The following ERO1B variants were observed in gnomAD, a reference collection of about 807,000 sequenced individuals.
The protein encoded by ERO1B is ERO1-like protein beta.
Under a neutral mutation model 75.3 loss-of-function variants are expected in ERO1B, and 49 were observed. The observed-to-expected ratio is 0.65, with a 90% CI of 0.52 to 0.83. The LOEUF is 0.83. Ranked by LOEUF, ERO1B falls within the 40% of genes least tolerant of loss-of-function variation. ERO1B has a pLI of 0.00. For missense variants in ERO1B, 512 were observed against 560.1 expected, an observed-to-expected ratio of 0.91 and a Z score of 0.87; for synonymous variants, 191 against 192.9, an observed-to-expected ratio of 0.99 and a Z score of 0.08.
intron 10 of ERO1B, among the ~76,000 whole-genome samples, chr1:236,228,324 C>T (rs1664325319): frequency 6.6e-6 from 1 of 152,134 alleles, no homozygotes; most frequent in Admixed American, 6.5e-5. Flanking sequence ...TAACTTTAAG[C>T]AAATTAATAA....
intron 6 of ERO1B, among the ~76,000 whole-genome samples, chr1:236,240,660 A>T (rs1664676837): frequency 6.6e-6 from 1 of 152,238 alleles, no homozygotes; most frequent in Non-Finnish European, 1.5e-5. Context: ...CAACTAGTTC[A>T]TTCAGCAAGT....
At chr1:236,263,035 G>C (rs569348253) in intron 2 of ERO1B, among the ~76,000 whole-genome samples, 55 of 152,166 alleles carry the variant, frequency 3.6e-4, no homozygotes, top group African/African-American at 1.0e-3. Context: ...TTCCCCACAG[G>C]CTTACCTGAG....
chr1:236,245,889 A>G (rs2243843), intron 5 of ERO1B, among the ~76,000 whole-genome samples: 117,409 of 151,436 alleles, frequency 0.78, 47,087 homozygotes, highest in East Asian at 0.91. Flanking sequence ...ACAACACCCA[A>G]CCTATGGTAT....
intron 15 of ERO1B, among the ~76,000 whole-genome samples, chr1:236,219,315 C>CTT (rs1664076376): frequency 1.3e-5 from 2 of 152,050 alleles, no homozygotes; most frequent in African/African-American, 4.8e-5. Context: ...AAGGGCAGGC[C>CTT]AGGATTCCAG....
At chr1:236,242,453 T>G (rs1003863875) in intron 6 of ERO1B, among the ~76,000 whole-genome samples, 1 of 152,140 alleles carries the variant, frequency 6.6e-6, no homozygotes, top group Non-Finnish European at 1.5e-5. Flanking sequence ...CTCACTCAGA[T>G]TCCTTTAAAA....
rs377160547 is a variant in ERO1B, at chr1:236,217,190, G to A, written c.*1326C>T. The A allele has an allele frequency of 3.3e-5, 5 of 152,060 alleles. No individual in the cohort carries two copies. In the East Asian group the frequency reaches 5.8e-4, roughly 18 times the overall value. The allele number at this position is 152,060 out of a possible 1,614,324, so 9.4% of individuals were successfully genotyped here. A position where few individuals can be genotyped will look rare whatever the true frequency, so the allele number is the denominator to read the frequency against. ...TTAAGAGCACTTATTCTTTAATTCAGAAAAGACTAAAGAGTCTAAGGAAAA... is the reference window on the plus strand; with the variant it reads ...TTAAGAGCACTTATTCTTTAATTCAAAAAAGACTAAAGAGTCTAAGGAAAA... On this transcript the variant is annotated 3_prime_UTR_variant, in exon 16 of 16. Transcript: ENST00000354619.
intron 2 of ERO1B, among the ~76,000 whole-genome samples, chr1:236,257,985 G>A (rs964278859): frequency 6.6e-6 from 1 of 150,464 alleles, no homozygotes; most frequent in African/African-American, 2.4e-5. Context: ...GGAGAAGAAA[G>A]AGAAAAAGGG....
intron 1 of ERO1B, among the ~76,000 whole-genome samples, chr1:236,272,060 GT>G (rs1442945285): frequency 6.6e-6 from 1 of 152,074 alleles, no homozygotes; most frequent in African/African-American, 2.4e-5. Flanking sequence ...AAAAACAGAT[GT>G]TGGCAAGGAT....
intron 1 of ERO1B, 115 bp from the exon 2 acceptor site, chr1:236,270,109 A>C: frequency 1.4e-6 from 1 of 728,396 alleles, no homozygotes; most frequent in African/African-American, 1.8e-5. Context: ...CTTGCTGATT[A>C]AGATATAACA....
At chr1:236,254,075 A>G (rs76853479) in intron 2 of ERO1B, among the ~76,000 whole-genome samples, 2,433 of 152,288 alleles carry the variant, frequency 0.016, 60 homozygotes, top group African/African-American at 0.054. Flanking sequence ...TGTGTGAACT[A>G]AAAAACACCA....
At chr1:236,245,974 T>C (rs1664876789) in intron 5 of ERO1B, among the ~76,000 whole-genome samples, 1 of 152,082 alleles carries the variant, frequency 6.6e-6, no homozygotes. Context: ...CAGTGTATCA[T>C]ATTTCATTAT....
Position 236,269,946 on chromosome 1 carries a change from T to G in ERO1B, c.151A>C (p.Asn51His). 1.2e-6 allele frequency: 2 copies of G among 1,604,384 alleles called. No individual in the cohort carries two copies. Among genetic ancestry groups the G allele is most frequent in the Non-Finnish European group, 1.7e-6 (2 of 1,171,406 alleles). The change falls in exon 2 of 16, where the codon AAC becomes CAC. Residue 51 changes from asparagine to histidine, a missense_variant. Coordinates refer to ENST00000354619, the MANE Select transcript of ERO1B (RefSeq NM_019891.4). ...GGGAAGATTTTGTAGGTATTGAAGT[T>G]ATCGATGCTGTCAATATCACACAAG... ...DCLCDIDSID[N>H]FNTYKIFPKI...
At chr1:236,252,224 C>CA in intron 3 of ERO1B, 133 bp from the exon 4 acceptor site, 1 of 626,318 alleles carries the variant, frequency 1.6e-6, no homozygotes, top group Non-Finnish European at 2.9e-6. Flanking sequence ...TACACTCACT[C>CA]AAATTGTGTT....
Position 236,235,929 on chromosome 1 carries a change from C to G in ERO1B, c.627-94G>C, listed in dbSNP as rs911855113. ...TAGAAACAAATACTCCCCTCCCCAC[C>G]CTCTTTTTTTTTTGAGACAGAGTTT... On this transcript the variant is annotated intron_variant, in intron 7 of 15. Coordinates refer to ENST00000354619, the MANE Select transcript of ERO1B (RefSeq NM_019891.4). 2.7e-6 allele frequency: 3 copies of G among 1,121,532 alleles called. No homozygotes were observed. In the African/African-American group the frequency reaches 4.8e-5, roughly 18 times the overall value. 69.5% of individuals were successfully genotyped at this position (1,121,532 alleles called of 1,614,324 possible). A position where few individuals can be genotyped will look rare whatever the true frequency, so the allele number is the denominator to read the frequency against.
Position 236,229,709 on chromosome 1 carries a change from T to C in ERO1B, c.712+515A>G, listed in dbSNP as rs1039166849. On this transcript the variant is annotated intron_variant, in intron 10 of 15. Coordinates refer to ENST00000354619, the MANE Select transcript of ERO1B (RefSeq NM_019891.4). ...ACCTTTCCATTAATAGCATTTGATA[T>C]TTTCAACACTGGAAGTACAAGAATG... 2.6e-5 allele frequency among the ~76,000 whole-genome samples: 4 copies of C among 152,218 alleles called. No individual in the cohort carries two copies. The South Asian group carries it at 8.3e-4, about 32-fold the overall frequency.
intron 2 of ERO1B, among the ~76,000 whole-genome samples, chr1:236,267,545 A>G (rs965410396): frequency 6.6e-6 from 1 of 152,208 alleles, no homozygotes; most frequent in African/African-American, 2.4e-5. Flanking sequence ...AACATTATGT[A>G]GAGATGTGAA....
intron 5 of ERO1B, among the ~76,000 whole-genome samples, chr1:236,248,591 A>G (rs1320296479): frequency 6.6e-6 from 1 of 152,234 alleles, no homozygotes; most frequent in East Asian, 1.9e-4. Context: ...CTGTGTTTCA[A>G]CATGGACAGA....
chr1:236,264,657 A>G (rs1366090489), intron 2 of ERO1B, among the ~76,000 whole-genome samples: 1 of 152,038 alleles, frequency 6.6e-6, no homozygotes, highest in African/African-American at 2.4e-5. Flanking sequence ...CAACCTGGCC[A>G]ACATGGTGAA....
At chr1:236,258,668 C>T (rs1665222546) in intron 2 of ERO1B, among the ~76,000 whole-genome samples, 1 of 152,190 alleles carries the variant, frequency 6.6e-6, no homozygotes, top group Non-Finnish European at 1.5e-5. Context: ...GGGTGGATCA[C>T]TTGAGGCCAG....
Sources: gnomAD v4.1 joint callset for allele counts (sites outside exome capture counted in the v4.1 genomes callset) on GRCh38, gnomAD v4.1.1 for gene constraint, MANE v1.5 for transcripts, NCBI Gene and HGNC (gene_info 2026-07-23, HGNC 2026-07-21) for gene names.